The following INO80 variants were observed in gnomAD, a reference collection of about 807,000 sequenced individuals.
INO80 encodes the protein INO80 complex ATPase subunit.
INO80 carries 20 observed loss-of-function variants against 203.4 expected under a neutral mutation model. The observed-to-expected ratio is 0.10, with a 90% CI of 0.07 to 0.14. The LOEUF (loss-of-function observed/expected upper bound fraction) is 0.14, where lower values mean the gene tolerates loss of function less well. Among genes scored for constraint, INO80 ranks in the 10% least tolerant of loss-of-function variants. INO80 has a pLI of 1.00. For synonymous variants in INO80, 726 were observed against 685.2 expected, an observed-to-expected ratio of 1.06 and a Z score of -0.93; for missense variants, 1,419 against 1,914.4, an observed-to-expected ratio of 0.74 and a Z score of 4.83.
chr15:41,101,783 C>G (rs2045811414), intron 1 of INO80, among the ~76,000 whole-genome samples: 2 of 151,964 alleles, frequency 1.3e-5, no homozygotes, highest in African/African-American at 4.8e-5. Flanking sequence ...ATCTCCTGAC[C>G]TCGTGATCCA....
intron 5 of INO80, 111 bp from the exon 6 acceptor site, chr15:41,087,793 C>A: frequency 9.3e-7 from 1 of 1,078,580 alleles, no homozygotes; most frequent in East Asian, 2.5e-5. Flanking sequence ...ATACAGTATT[C>A]TTCCCACAAA....
intron 24 of INO80, among the ~76,000 whole-genome samples, chr15:41,035,381 C>G (rs984065008): frequency 4.6e-5 from 7 of 152,016 alleles, no homozygotes; most frequent in Non-Finnish European, 1.0e-4. Flanking sequence ...CAAAAATTAG[C>G]TGGGTGTAGT....
chr15:41,008,566 A>G lies in INO80; in HGVS notation c.3403-2879T>C, dbSNP rs192616455. ...TATGTGAACTCTTCTAAGAGAGACA[A>G]TATCACATGGTCGACCTTAAATATA... On this transcript the variant is annotated intron_variant, in intron 27 of 35. Transcript: ENST00000648947. Among the ~76,000 whole-genome samples, 12 of 152,344 alleles carry G rather than the reference A, an allele frequency of 7.9e-5. No individual in the cohort carries two copies. The East Asian group carries it at 1.9e-3, about 24-fold the overall frequency.
rs552542327 is a variant in INO80, at chr15:41,034,448, A to G, written c.2908-6712T>C. Among the ~76,000 whole-genome samples the G allele has an allele frequency of 1.6e-4, 24 of 152,322 alleles. No individual in the cohort carries two copies. In the South Asian group the frequency reaches 4.6e-3, roughly 29 times the overall value. On this transcript the variant is annotated intron_variant, in intron 24 of 35. Coordinates refer to ENST00000648947, the MANE Select transcript of INO80 (RefSeq NM_017553.3). ...AATATGACAACATGTAGCTAAGTGAACACTGATCTGTCTCCACAGAGGAAG... is the reference window on the plus strand; with the variant it reads ...AATATGACAACATGTAGCTAAGTGAGCACTGATCTGTCTCCACAGAGGAAG...
rs2045579682 is a variant in INO80 at position 41,087,495 on chromosome 15, C to T, written c.658+67G>A. ...GACTTATATATAAAGTCCAAATGCA[C>T]CAGTAGGCCACATGCAATTCTGAAA... is the stretch of plus-strand genomic sequence containing the variant. On this transcript the variant is annotated intron_variant, in intron 6 of 35. Coordinates refer to ENST00000648947, the MANE Select transcript of INO80 (RefSeq NM_017553.3). 6 of 1,553,600 alleles carry T rather than the reference C, an allele frequency of 3.9e-6. No individual in the cohort carries two copies. In the Admixed American group the frequency reaches 7.0e-5, roughly 18 times the overall value.
At chr15:41,051,112 GAATGAGACTCCATCTC>G (rs942584499) in intron 19 of INO80, among the ~76,000 whole-genome samples, 1 of 93,402 alleles carries the variant, frequency 1.1e-5, no homozygotes, top group African/African-American at 5.3e-5. Context: ...CTGGGTGACA[GAATGAGACTCCATCTC>G]AAAAAAAAAA....
chr15:41,045,005 C>T lies in INO80; in HGVS notation c.2806G>A (p.Glu936Lys). Residue 936 changes from glutamate (E) to lysine (K), a missense_variant, in exon 24 of 36, where the codon GAA becomes AAA. Transcript: ENST00000648947. ...LHQLRSWGAP[E>K]GESHQRYLRN... is the part of the protein sequence containing the mutation. ...AGGTATCTCTGGTGGCTCTCCCCTT[C>T]TGGCGCTCCCCAGGAGCGTAGCTGA... 1 of 1,614,010 alleles carries T rather than the reference C, an allele frequency of 6.2e-7. No individual in the cohort carries two copies. Among genetic ancestry groups the T allele is most frequent in the Non-Finnish European group, 8.5e-7 (1 of 1,179,954 alleles).
chr15:41,084,715 C>T (rs1180866377), intron 7 of INO80, among the ~76,000 whole-genome samples: 1 of 152,114 alleles, frequency 6.6e-6, no homozygotes, highest in Non-Finnish European at 1.5e-5. Flanking sequence ...ATATCAACTC[C>T]TTTTTATTTT....
intron 5 of INO80, 75 bp downstream of exon 5, chr15:41,091,952 A>G: frequency 7.4e-7 from 1 of 1,356,244 alleles, no homozygotes; most frequent in Non-Finnish European, 1.0e-6. Flanking sequence ...ACGCCCAGCC[A>G]AAATGATGTA....
At position 41,074,854 on chromosome 15, in the gene INO80, C is replaced by T. The variant is rs560544968; in HGVS notation, c.1132-289G>A. Among the ~76,000 whole-genome samples, 67 of 152,278 alleles carry T rather than the reference C, an allele frequency of 4.4e-4. No homozygotes were observed. The Middle Eastern group carries it at 0.01, about 23-fold the overall frequency. On this transcript the variant is annotated intron_variant, in intron 9 of 35. Transcript: ENST00000648947. ...CCGCCTCCCGGGTTCAAGCTAGTCTCGTACCTCAGCCTCCAGAGTAGCTGG... is the reference window on the plus strand; with the variant it reads ...CCGCCTCCCGGGTTCAAGCTAGTCTTGTACCTCAGCCTCCAGAGTAGCTGG...
intron 9 of INO80, among the ~76,000 whole-genome samples, chr15:41,076,344 A>G (rs1275646313): frequency 1.3e-5 from 2 of 151,804 alleles, no homozygotes; most frequent in Non-Finnish European, 2.9e-5. Flanking sequence ...TGGGTAACAG[A>G]GCAAGACTCT....
chr15:41,067,594 T>A (rs2045243404), intron 14 of INO80, among the ~76,000 whole-genome samples: 1 of 152,172 alleles, frequency 6.6e-6, no homozygotes, highest in African/African-American at 2.4e-5. Context: ...ATACAGTTTC[T>A]ACATCTACAA....
intron 16 of INO80, among the ~76,000 whole-genome samples, chr15:41,057,505 G>A (rs1193707958): frequency 6.7e-6 from 1 of 149,368 alleles, no homozygotes; most frequent in African/African-American, 2.5e-5. Context: ...AGACCTTTCT[G>A]AGGATAGAAA....
At chr15:40,988,785 C>T (rs1438903996) in intron 29 of INO80, among the ~76,000 whole-genome samples, 4 of 152,096 alleles carry the variant, frequency 2.6e-5, no homozygotes, top group Admixed American at 6.5e-5. Context: ...GAGGCCAAGG[C>T]GAGTGGATTA....
chr15:40,991,282 G>C (rs1030606923), intron 29 of INO80, among the ~76,000 whole-genome samples: 3 of 152,086 alleles, frequency 2.0e-5, no homozygotes, highest in Admixed American at 6.6e-5. Context: ...AAATAGGATT[G>C]TTTAGAAAAA....
chr15:40,983,793 G>A lies in INO80; in HGVS notation c.4206C>T (p.Ser1402=), dbSNP rs1452357180. ...CGGTATCTGAGACGGAGCCTGTTATGGATGCGGGAGAGTTGGTAGCTCGAG... is the reference window on the plus strand; with the variant it reads ...CGGTATCTGAGACGGAGCCTGTTATAGATGCGGGAGAGTTGGTAGCTCGAG... ...PQSRATNSPA[S]ITGSVSDTVN... is the part of the protein sequence containing the mutation. The change falls in exon 34 of 36, where the codon TCC becomes TCT. Residue 1402 remains serine, a synonymous_variant. Transcript: ENST00000648947. 6.2e-7 allele frequency: 1 copy of A among 1,612,614 alleles called. No individual in the cohort carries two copies. The highest frequency in any genetic ancestry group is 2.2e-5 in the East Asian group (1 of 44,882).
chr15:41,104,445 A>T (rs2045853309), intron 1 of INO80, among the ~76,000 whole-genome samples: 1 of 152,150 alleles, frequency 6.6e-6, no homozygotes, highest in African/African-American at 2.4e-5. Context: ...CTTCAGAATC[A>T]TACCCACATA....
chr15:41,022,141 A>G (rs934001141), intron 25 of INO80, among the ~76,000 whole-genome samples: 1 of 152,204 alleles, frequency 6.6e-6, no homozygotes, highest in African/African-American at 2.4e-5. Flanking sequence ...TGGGTTTGGG[A>G]TTTTTGGATA....
At chr15:41,081,268 A>AT (rs2045480791) in intron 7 of INO80, among the ~76,000 whole-genome samples, 195 bp from the exon 8 acceptor site, 1 of 152,220 alleles carries the variant, frequency 6.6e-6, no homozygotes, top group Non-Finnish European at 1.5e-5. Flanking sequence ...TTCAAGAAGA[A>AT]TAAGTCAGCA....
Sources: allele counts gnomAD v4.1 joint callset (sites outside exome capture counted in the v4.1 genomes callset), GRCh38; gene constraint gnomAD v4.1.1; transcripts MANE v1.5; gene names NCBI Gene and HGNC (gene_info 2026-07-23, HGNC 2026-07-21).